Variants in TTC17 observed in about 807,000 individuals in gnomAD.
TTC17 encodes the protein tetratricopeptide repeat protein 17.
A neutral mutation model predicts 143.8 loss-of-function variants in TTC17; 58 were observed. That is an observed-to-expected ratio of 0.40 (90% confidence interval 0.33 to 0.50). The LOEUF is 0.50. Ranked by LOEUF, TTC17 falls within the 20% of genes least tolerant of loss-of-function variation. The pLI is 0.49. For missense variants in TTC17, 1,273 were observed against 1,392.5 expected (o/e 0.91, Z 1.37); for synonymous variants, 501 against 497.8 (o/e 1.01, Z -0.09).
At chr11:43,480,893 A>C (rs1210496475) in intron 21 of TTC17, among the ~76,000 whole-genome samples, 1 of 152,022 alleles carries the variant, frequency 6.6e-6, no homozygotes, top group East Asian at 1.9e-4. Flanking sequence ...AATGCAAAAA[A>C]AAAAAAAAGC....
In TTC17 at chr11:43,401,461, G is replaced by A; in HGVS notation, c.1235G>A (p.Cys412Tyr). The change falls in exon 10 of 24, where the codon TGC (cysteine) becomes TAC (tyrosine). Residue 412 changes from cysteine (C) to tyrosine (Y), a missense_variant. Cys to Tyr is a radical substitution (Grantham distance 194). This residue lies in a region of TTC17 where 878 missense variants were observed against 899.8 expected (regional missense o/e 0.98). Coordinates refer to ENST00000039989, the MANE Select transcript of TTC17 (RefSeq NM_018259.6). Reference sequence around the variant, plus strand: ...CTTATTCCAGGAAATCATCAGATATGCCGACTGGTCAACCAGCAGCATAGT... The same window carrying A: ...CTTATTCCAGGAAATCATCAGATATACCGACTGGTCAACCAGCAGCATAGT... ...KEAQLGNHQICRLVNQQHSLH... is the reference protein window; with the variant it reads ...KEAQLGNHQIYRLVNQQHSLH... 1 of 1,611,622 alleles carries A rather than the reference G, an allele frequency of 6.2e-7. No homozygotes were observed. The highest frequency in any genetic ancestry group is 8.5e-7 in the Non-Finnish European group (1 of 1,179,006).
At chr11:43,488,052 G>A (rs971764503) in intron 21 of TTC17, among the ~76,000 whole-genome samples, 15 of 152,078 alleles carry the variant, frequency 9.9e-5, no homozygotes, top group African/African-American at 3.4e-4. Flanking sequence ...TGAATTTTGG[G>A]GGAACATAGT....
intron 2 of TTC17, among the ~76,000 whole-genome samples, chr11:43,389,301 T>A (rs1857291235): frequency 6.6e-6 from 1 of 152,236 alleles, no homozygotes; most frequent in Non-Finnish European, 1.5e-5. Flanking sequence ...TAGCAACATG[T>A]ACTATGTCTT....
At chr11:43,378,888 A>C (rs1487988369) in intron 1 of TTC17, 1 of 229,774 alleles carries the variant, frequency 4.4e-6, no homozygotes, top group African/African-American at 2.4e-5. Context: ...CTATCAAAAC[A>C]AGACAATTCA....
chr11:43,453,847 T>G (rs1178714396), intron 21 of TTC17, among the ~76,000 whole-genome samples: 1 of 152,208 alleles, frequency 6.6e-6, no homozygotes, highest in Non-Finnish European at 1.5e-5. Flanking sequence ...ACATTATAGC[T>G]TAGCCTAGCC....
chr11:43,464,194 C>T (rs1038295950), intron 21 of TTC17, among the ~76,000 whole-genome samples: 3 of 151,644 alleles, frequency 2.0e-5, no homozygotes, highest in Non-Finnish European at 2.9e-5. Context: ...GCAGAAGAAT[C>T]GCTTGAACCT....
At chr11:43,379,673 T>C (rs1856891062) in intron 2 of TTC17, among the ~76,000 whole-genome samples, 1 of 152,148 alleles carries the variant, frequency 6.6e-6, no homozygotes, top group Non-Finnish European at 1.5e-5. Flanking sequence ...CTGGATAAAA[T>C]ATGAAAAGAA....
chr11:43,410,505 A>G (rs922966815), intron 15 of TTC17, among the ~76,000 whole-genome samples: 3 of 152,176 alleles, frequency 2.0e-5, no homozygotes, highest in African/African-American at 2.4e-5. Flanking sequence ...AATTAGGTCT[A>G]TGATTCATTT....
chr11:43,359,285 C>G (rs1855994578), intron 1 of TTC17, 172 bp downstream of exon 1: 2 of 782,916 alleles, frequency 2.6e-6, no homozygotes, highest in Non-Finnish European at 3.8e-6. Flanking sequence ...GCACTTCCCG[C>G]TCCCCACTTG....
chr11:43,451,858 A>G (rs1214798806), intron 21 of TTC17, among the ~76,000 whole-genome samples: 1 of 152,204 alleles, frequency 6.6e-6, no homozygotes, highest in Non-Finnish European at 1.5e-5. Context: ...AATTTAACAT[A>G]GTCATTTAAA....
At chr11:43,481,670 A>G (rs1179387722) in intron 21 of TTC17, among the ~76,000 whole-genome samples, 2 of 152,042 alleles carry the variant, frequency 1.3e-5, no homozygotes, top group Non-Finnish European at 2.9e-5. Context: ...AGTTCTTCAT[A>G]TTATTTTCTT....
chr11:43,410,251 CTT>C (rs1858348462), intron 15 of TTC17, among the ~76,000 whole-genome samples: 1 of 152,144 alleles, frequency 6.6e-6, no homozygotes, highest in Non-Finnish European at 1.5e-5. Context: ...ATGATAAACT[CTT>C]TAACTCCATC....
chr11:43,476,684 C>T (rs184276015), intron 21 of TTC17, among the ~76,000 whole-genome samples: 8 of 152,316 alleles, frequency 5.3e-5, no homozygotes, highest in Non-Finnish European at 8.8e-5. Flanking sequence ...ACGGAAGGCA[C>T]CAAGTCTCTA....
intron 16 of TTC17, among the ~76,000 whole-genome samples, chr11:43,427,368 G>C (rs1362657851): frequency 6.6e-6 from 1 of 152,162 alleles, no homozygotes; most frequent in Non-Finnish European, 1.5e-5. Flanking sequence ...GATTGAATCA[G>C]AAAGATATGT....
At chr11:43,459,476 A>G (rs1947824437) in intron 21 of TTC17, among the ~76,000 whole-genome samples, 2 of 152,180 alleles carry the variant, frequency 1.3e-5, no homozygotes, top group South Asian at 4.1e-4. Context: ...CACTGGCACA[A>G]CTTCTTTAAA....
chr11:43,383,482 G>A (rs560481184), intron 2 of TTC17, among the ~76,000 whole-genome samples: 1 of 151,912 alleles, frequency 6.6e-6, no homozygotes, highest in African/African-American at 2.4e-5. Flanking sequence ...CCTCCCGAGT[G>A]GCTAGGATTA....
intron 21 of TTC17, chr11:43,486,588 A>G: frequency 3.6e-6 from 1 of 276,676 alleles, no homozygotes; most frequent in South Asian, 3.4e-5. Context: ...GATAACATTT[A>G]GAATAGTGTG....
chr11:43,359,245 C>A, intron 1 of TTC17, 132 bp downstream of exon 1: 2 of 1,130,460 alleles, frequency 1.8e-6, no homozygotes, highest in Non-Finnish European at 2.4e-6. Context: ...GGCACCGCGA[C>A]CTCGGACTCC....
At chr11:43,362,151 G>T (rs1422007284) in intron 1 of TTC17, among the ~76,000 whole-genome samples, 1 of 11,942 alleles carries the variant, frequency 8.4e-5, no homozygotes, top group Non-Finnish European at 1.6e-4. Context: ...CGGCTAATTT[G>T]TGTGTGTGTG....
Sources: allele counts gnomAD v4.1 joint callset (sites outside exome capture counted in the v4.1 genomes callset), GRCh38; gene constraint gnomAD v4.1.1; regional missense constraint gnomAD v4.1.1; transcripts MANE v1.5; gene names NCBI Gene and HGNC (gene_info 2026-07-23, HGNC 2026-07-21).